The following MS4A3 variants were observed in gnomAD, a reference collection of about 807,000 sequenced individuals.
The protein encoded by MS4A3 is membrane spanning 4-domains A3, also known as membrane-spanning 4-domains subfamily A member 3.
MS4A3 carries 18 observed loss-of-function variants against 24.7 expected under a neutral mutation model. The observed-to-expected ratio is 0.73, with a 90% CI of 0.50 to 1.08. The LOEUF (loss-of-function observed/expected upper bound fraction) is 1.08. Ranked by LOEUF, MS4A3 falls within the 50% of genes least tolerant of loss-of-function variation. The probability of loss-of-function intolerance (pLI) is 0.00; values close to 1 mark genes in which losing one functional copy is unlikely to be tolerated. For synonymous variants in MS4A3, 84 were observed against 95.3 expected (o/e 0.88, Z 0.69); for missense variants, 282 against 251.7 (o/e 1.12, Z -0.82).
At chr11:60,062,029 A>G (rs1855284385) in intron 2 of MS4A3, among the ~76,000 whole-genome samples, 1 of 152,130 alleles carries the variant, frequency 6.6e-6, no homozygotes, top group Non-Finnish European at 1.5e-5. Context: ...TATGAAGCTT[A>G]TATTCTATAT....
At chr11:60,059,568 G>A (rs184621472) in intron 1 of MS4A3, among the ~76,000 whole-genome samples, 2 of 152,010 alleles carry the variant, frequency 1.3e-5, no homozygotes, top group East Asian at 1.9e-4. Flanking sequence ...CAGTTGTTTT[G>A]TTCCCCTCTA....
At chr11:60,070,044 T>A (rs1406492445) in intron 6 of MS4A3, among the ~76,000 whole-genome samples, 160 bp from the exon 7 acceptor site, 5 of 152,174 alleles carry the variant, frequency 3.3e-5, no homozygotes, top group Admixed American at 6.6e-5. Context: ...TCTTCTAATG[T>A]TTGTTGTGAG....
At position 60,069,557 on chromosome 11, in the gene MS4A3, G is replaced by A; in HGVS notation, c.514-17G>A. The A allele has an allele frequency of 6.4e-7, 1 of 1,566,082 alleles. No homozygotes were observed. The highest frequency in any genetic ancestry group is 2.2e-5 in the East Asian group (1 of 44,512). ...GATGTTGCCACTGGGTTTGATATAA[G>A]GCATCATATCCCCTAGGGCATGGTG... On this transcript the variant is annotated splice_polypyrimidine_tract_variant and intron_variant, in intron 5 of 6. Coordinates refer to ENST00000278865, the MANE Select transcript of MS4A3 (RefSeq NM_006138.5).
intron 5 of MS4A3, 66 bp downstream of exon 5, chr11:60,067,178 A>G: frequency 1.5e-6 from 2 of 1,290,790 alleles, no homozygotes; most frequent in South Asian, 1.4e-5. Context: ...ACAGAAAAAT[A>G]ATATATCAGG....
At position 60,062,445 on chromosome 11, in the gene MS4A3, C is replaced by A. The variant is rs758711332; in HGVS notation, c.157-23C>A. The A allele has an allele frequency of 1.9e-6, 3 of 1,613,456 alleles. No homozygotes were observed. In the Admixed American group the frequency reaches 5.0e-5, roughly 27 times the overall value. On this transcript the variant is annotated intron_variant, in intron 2 of 6. Coordinates refer to ENST00000278865, the MANE Select transcript of MS4A3 (RefSeq NM_006138.5). ...CCACTTTAGTATATGACTGTTACGCCTTTTTCCCCTTTCTTCTTTCAGGCC... is the reference window on the plus strand; with the variant it reads ...CCACTTTAGTATATGACTGTTACGCATTTTTCCCCTTTCTTCTTTCAGGCC...
chr11:60,061,469 G>A (rs1410975044), intron 2 of MS4A3, 153 bp downstream of exon 2: 1 of 846,830 alleles, frequency 1.2e-6, no homozygotes, highest in Admixed American at 2.1e-5. Context: ...AACAACCCCT[G>A]CTCTCCCTCT....
Position 60,061,127 on chromosome 11 carries a change from G to T in MS4A3, c.-15-19G>T. 6.5e-7 allele frequency: 1 copy of T among 1,537,104 alleles called. No individual in the cohort carries two copies. Among genetic ancestry groups the T allele is most frequent in the South Asian group, 1.3e-5 (1 of 78,800 alleles). Reference sequence around the variant, plus strand: ...AAAAAGGGAAAGCATGAAGGCTTTGGATTTCTTTTCTATCACAGCCATAAA... The same window carrying T: ...AAAAAGGGAAAGCATGAAGGCTTTGTATTTCTTTTCTATCACAGCCATAAA... On this transcript the variant is annotated intron_variant, in intron 1 of 6. Coordinates refer to ENST00000278865, the MANE Select transcript of MS4A3 (RefSeq NM_006138.5).
chr11:60,057,412 TGTGTGA>T (rs1190443182), intron 1 of MS4A3, among the ~76,000 whole-genome samples: 1 of 152,156 alleles, frequency 6.6e-6, no homozygotes, highest in African/African-American at 2.4e-5. Context: ...TGTGTGTGTG[TGTGTGA>T]GAGAGAGACA....
At chr11:60,062,782 AT>A in intron 3 of MS4A3, 177 bp downstream of exon 3, 1 of 435,020 alleles carries the variant, frequency 2.3e-6, no homozygotes, top group South Asian at 9.3e-5. Flanking sequence ...TTTTAATTTA[AT>A]TAATTACTTA....
In MS4A3 at chr11:60,069,593, T is replaced by C. The variant is rs763799955; in HGVS notation, c.533T>C (p.Leu178Pro). The C allele has an allele frequency of 3.7e-6, 6 of 1,613,264 alleles. No homozygotes were observed. In the South Asian group the frequency reaches 6.6e-5, roughly 18 times the overall value. ...CCCTAGGGCATGGTGTCTCTACTGC[T>C]GATTCTCACCTTGCTGGAATTATGC... ...SISNGMVSLL[L>P]ILTLLELCVT... The change falls in exon 6 of 7, where the codon CTG (leucine) becomes CCG (proline). Residue 178 changes from leucine to proline, a missense_variant. Leu to Pro is a moderately conservative substitution (Grantham distance 98, BLOSUM62 -3). Coordinates refer to ENST00000278865, the MANE Select transcript of MS4A3 (RefSeq NM_006138.5).
chr11:60,065,467 A>G (rs920805194), intron 4 of MS4A3, among the ~76,000 whole-genome samples: 1 of 152,124 alleles, frequency 6.6e-6, no homozygotes, highest in Non-Finnish European at 1.5e-5. Flanking sequence ...CACAATTTGT[A>G]TTTTCCTTCT....
chr11:60,069,375 A>G lies in MS4A3; in HGVS notation c.514-199A>G, dbSNP rs193124113. 4.3e-3 allele frequency among the ~76,000 whole-genome samples: 650 copies of G among 152,344 alleles called. 4 individuals carry two copies. The highest frequency in any genetic ancestry group is 6.8e-3 in the Non-Finnish European group (460 of 68,030). On this transcript the variant is annotated intron_variant, in intron 5 of 6. Transcript: ENST00000278865. ...CATAGAAATGTGACACATCTTTCTC[A>G]TTAGAGAAAATGTTTTCATGCTTTT...
chr11:60,066,961 G>A lies in MS4A3; in HGVS notation c.362G>A (p.Ser121Asn). 6.2e-7 allele frequency: 1 copy of A among 1,601,508 alleles called. No individual in the cohort carries two copies. Among genetic ancestry groups the A allele is most frequent in the African/African-American group, 1.3e-5 (1 of 74,262 alleles). The change falls in exon 5 of 7, where the codon AGT becomes AAT. Residue 121 changes from serine (S) to asparagine (N), a missense_variant. Physicochemically the swap from Ser to Asn is conservative, Grantham distance 46. Coordinates refer to ENST00000278865, the MANE Select transcript of MS4A3 (RefSeq NM_006138.5). The stretch of plus-strand genomic sequence containing the variant: ...CTTATTCTTTTTTAGATACAGAACA[G>A]TTTTGGAATGAACATTGCCAGTGCT... ...IKPTRTWIQN[S>N]FGMNIASATI...
At chr11:60,068,077 GTTTCA>G (rs1322702690) in intron 5 of MS4A3, among the ~76,000 whole-genome samples, 1 of 151,620 alleles carries the variant, frequency 6.6e-6, no homozygotes, top group Non-Finnish European at 1.5e-5. Context: ...AAAAAATAAA[GTTTCA>G]TTTCATATCT....
rs1421262412 is a variant in MS4A3 at position 60,070,494 on chromosome 11, A to T, written c.*261A>T. The T allele has an allele frequency of 2.5e-6, 1 of 394,554 alleles. No individual in the cohort carries two copies. The allele number at this position is 394,554 out of a possible 1,614,324, so 24.4% of individuals were successfully genotyped here. Reference sequence around the variant, plus strand: ...TTCTTGGATATCTGTAACTTCTATGATCATTACTCCAAAGTTGTTTCCAGA... The same window carrying T: ...TTCTTGGATATCTGTAACTTCTATGTTCATTACTCCAAAGTTGTTTCCAGA... On this transcript the variant is annotated 3_prime_UTR_variant, in exon 7 of 7. Transcript: ENST00000278865.
At chr11:60,068,364 C>T (rs1444196419) in intron 5 of MS4A3, among the ~76,000 whole-genome samples, 1 of 148,922 alleles carries the variant, frequency 6.7e-6, no homozygotes, top group African/African-American at 2.4e-5. Context: ...CTCAGCCTCC[C>T]GAGTAGCTGG....
chr11:60,057,145 A>G (rs1005860228), intron 1 of MS4A3, among the ~76,000 whole-genome samples: 3 of 152,040 alleles, frequency 2.0e-5, no homozygotes, highest in African/African-American at 7.2e-5. Context: ...TGATAGCTTG[A>G]GGTTCTGATT....
chr11:60,060,060 G>T (rs1855247245), intron 1 of MS4A3, among the ~76,000 whole-genome samples: 1 of 152,158 alleles, frequency 6.6e-6, no homozygotes, highest in Admixed American at 6.5e-5. Flanking sequence ...ACATTCAGAA[G>T]TCCAATGTAA....
Position 60,070,785 on chromosome 11 carries a change from G to A in MS4A3, c.*552G>A, listed in dbSNP as rs1855463356. The A allele has an allele frequency of 6.6e-6, 1 of 152,418 alleles. No homozygotes were observed. Among genetic ancestry groups the A allele is most frequent in the Non-Finnish European group, 1.5e-5 (1 of 68,258 alleles). 9.4% of individuals were successfully genotyped at this position (152,418 alleles called of 1,614,324 possible). A position where few individuals can be genotyped will look rare whatever the true frequency, so the allele number is the denominator to read the frequency against. ...TTTGAGATGGGAGGGTTAAGGCTCAGGGATTTTATTTCAGTGAACTGCTGG... is the reference window on the plus strand; with the variant it reads ...TTTGAGATGGGAGGGTTAAGGCTCAAGGATTTTATTTCAGTGAACTGCTGG... On this transcript the variant is annotated 3_prime_UTR_variant, in exon 7 of 7. Coordinates refer to ENST00000278865, the MANE Select transcript of MS4A3 (RefSeq NM_006138.5).
Sources: gnomAD v4.1 joint callset for allele counts (sites outside exome capture counted in the v4.1 genomes callset) on GRCh38, gnomAD v4.1.1 for gene constraint, MANE v1.5 for transcripts, NCBI Gene and HGNC (gene_info 2026-07-23, HGNC 2026-07-21) for gene names.